Variants in SHLD1 observed in about 807,000 individuals in gnomAD.
SHLD1 encodes RINN1-REV7-interacting novel NHEJ regulator 3.
Under a neutral mutation model 5.5 loss-of-function variants are expected in SHLD1, and 3 were observed. The observed-to-expected ratio is 0.54, with a 90% CI of 0.25 to 1.40. The LOEUF (loss-of-function observed/expected upper bound fraction) is 1.40. SHLD1 is among the 40% of genes most tolerant of loss of function. The pLI is 0.15. For synonymous variants in SHLD1, 92 were observed against 94.3 expected, an observed-to-expected ratio of 0.98 and a Z score of 0.14; for missense variants, 210 against 244.4, an observed-to-expected ratio of 0.86 and a Z score of 0.94.
intron 2 of SHLD1, among the ~76,000 whole-genome samples, chr20:5,816,909 A>C (rs2087537340): frequency 6.6e-6 from 1 of 152,098 alleles, no homozygotes; most frequent in African/African-American, 2.4e-5. Context: ...CTCTACAAAA[A>C]ATACCAATAA....
intron 2 of SHLD1, among the ~76,000 whole-genome samples, chr20:5,839,298 T>C (rs2087826867): frequency 6.6e-6 from 1 of 152,226 alleles, no homozygotes; most frequent in Non-Finnish European, 1.5e-5. Flanking sequence ...CACATTCTCC[T>C]TTGTGGGGAA....
intron 2 of SHLD1, among the ~76,000 whole-genome samples, chr20:5,842,996 C>T (rs1287024): frequency 0.4 from 60,451 of 152,022 alleles, 14,101 homozygotes; most frequent in African/African-American, 0.65. Flanking sequence ...CTGAAGCCAC[C>T]ATGGGCCTTG....
At chr20:5,796,000 AAAAG>A (rs1391612352) in intron 2 of SHLD1, among the ~76,000 whole-genome samples, 16 of 152,080 alleles carry the variant, frequency 1.1e-4, no homozygotes, top group Admixed American at 9.2e-4. Context: ...TCAAAAAAAA[AAAAG>A]AAAGAAAGAA....
At chr20:5,843,568 G>A (rs796165801) in intron 2 of SHLD1, among the ~76,000 whole-genome samples, 15 of 152,276 alleles carry the variant, frequency 9.9e-5, no homozygotes, top group African/African-American at 3.4e-4. Flanking sequence ...CTGTGTGGAC[G>A]TTGAAGCTGA....
chr20:5,823,435 G>GT (rs1375853173), intron 2 of SHLD1, among the ~76,000 whole-genome samples: 2 of 124,256 alleles, frequency 1.6e-5, no homozygotes, highest in African/African-American at 5.4e-5. Context: ...GCATAGACTT[G>GT]TTTTTTGTTG....
At chr20:5,773,556 G>T in intron 2 of SHLD1, 1 of 175,704 alleles carries the variant, frequency 5.7e-6, no homozygotes, top group Non-Finnish European at 1.2e-5. Flanking sequence ...CCCTGATGTA[G>T]GTAGTGGCCG....
At chr20:5,760,858 G>T (rs1984422377) in intron 1 of SHLD1, among the ~76,000 whole-genome samples, 1 of 152,100 alleles carries the variant, frequency 6.6e-6, no homozygotes, top group South Asian at 2.1e-4. Flanking sequence ...TAGTGAGACA[G>T]CCTGTTTCAG....
chr20:5,852,272 T>C (rs903127324), intron 2 of SHLD1, among the ~76,000 whole-genome samples: 11 of 152,230 alleles, frequency 7.2e-5, no homozygotes, highest in African/African-American at 2.7e-4. Context: ...GGTGTGATTT[T>C]CTGCTTATGG....
chr20:5,827,919 G>A (rs934687245), intron 2 of SHLD1, among the ~76,000 whole-genome samples: 2 of 152,142 alleles, frequency 1.3e-5, no homozygotes, highest in African/African-American at 4.8e-5. Flanking sequence ...ACTACACCAT[G>A]GTCATCTCTG....
At chr20:5,787,862 CA>C (rs1411609366) in intron 2 of SHLD1, among the ~76,000 whole-genome samples, 6 of 152,156 alleles carry the variant, frequency 3.9e-5, no homozygotes, top group African/African-American at 1.4e-4. Flanking sequence ...AAGTTAAAAG[CA>C]TATATTATTA....
chr20:5,815,802 T>C (rs1161922916), intron 2 of SHLD1, among the ~76,000 whole-genome samples: 2 of 152,098 alleles, frequency 1.3e-5, no homozygotes, highest in East Asian at 3.9e-4. Flanking sequence ...AAATGAGGTC[T>C]GGGTATAGTG....
At chr20:5,836,385 G>A (rs1658718286) in intron 2 of SHLD1, among the ~76,000 whole-genome samples, 1 of 152,094 alleles carries the variant, frequency 6.6e-6, no homozygotes, top group African/African-American at 2.4e-5. Flanking sequence ...CAATATCATG[G>A]AATATTTTAA....
chr20:5,765,368 A>T (rs2122216544), intron 1 of SHLD1, among the ~76,000 whole-genome samples: 1 of 152,060 alleles, frequency 6.6e-6, no homozygotes, highest in Non-Finnish European at 1.5e-5. Flanking sequence ...GCCTGAGCCT[A>T]CTGAGTAGCT....
chr20:5,797,329 G>A (rs1171050796), intron 2 of SHLD1, among the ~76,000 whole-genome samples: 1 of 152,162 alleles, frequency 6.6e-6, no homozygotes, highest in Admixed American at 6.5e-5. Flanking sequence ...GGGAGCCTGA[G>A]TTAGGAGGAT....
chr20:5,774,150 G>C (rs1985318997), intron 2 of SHLD1, among the ~76,000 whole-genome samples: 1 of 152,186 alleles, frequency 6.6e-6, no homozygotes, highest in Non-Finnish European at 1.5e-5. Flanking sequence ...GTTGCAGTGA[G>C]CTGAGATCGT....
chr20:5,851,778 AT>A (rs1299812681), intron 2 of SHLD1, among the ~76,000 whole-genome samples: 14 of 151,974 alleles, frequency 9.2e-5, no homozygotes, highest in African/African-American at 3.1e-4. Flanking sequence ...TCATGTTGAA[AT>A]GTAATCCCCA....
chr20:5,770,335 T>C (rs1439352380), intron 1 of SHLD1, among the ~76,000 whole-genome samples: 2 of 152,240 alleles, frequency 1.3e-5, no homozygotes. Context: ...TGCTTTAATG[T>C]CAGTGCAGTT....
At chr20:5,859,919 G>A (rs888840121) in intron 2 of SHLD1, among the ~76,000 whole-genome samples, 1 of 152,178 alleles carries the variant, frequency 6.6e-6, no homozygotes, top group African/African-American at 2.4e-5. Flanking sequence ...ATGAAACACA[G>A]ATGAAAATTT....
intron 1 of SHLD1, among the ~76,000 whole-genome samples, chr20:5,759,204 C>T (rs987989601): frequency 3.3e-5 from 5 of 151,898 alleles, no homozygotes; most frequent in Non-Finnish European, 7.4e-5. Context: ...CCGCCCACCT[C>T]GGCCTCCCAA....
Sources: gnomAD v4.1 joint callset for allele counts (sites outside exome capture counted in the v4.1 genomes callset) on GRCh38, gnomAD v4.1.1 for gene constraint, MANE v1.5 for transcripts, NCBI Gene and HGNC (gene_info 2026-07-23, HGNC 2026-07-21) for gene names.